The following UTRN variants were observed in gnomAD, a reference collection of about 807,000 sequenced individuals.
The protein encoded by UTRN is dystrophin-related protein 1.
UTRN carries 283 observed loss-of-function variants against 463.9 expected under a neutral mutation model. The observed-to-expected ratio is 0.61, with a 90% CI of 0.55 to 0.67. The LOEUF (loss-of-function observed/expected upper bound fraction) is 0.67. UTRN is among the 30% of genes least tolerant of loss of function. The probability of loss-of-function intolerance (pLI) is 0.00; values close to 1 mark genes in which losing one functional copy is unlikely to be tolerated. For synonymous variants in UTRN, 1,442 were observed against 1,431.5 expected (o/e 1.01, Z -0.17); for missense variants, 3,922 against 4,084.3 (o/e 0.96, Z 1.08).
intron 65 of UTRN, among the ~76,000 whole-genome samples, chr6:144,812,793 G>C (rs1038760768): frequency 1.3e-5 from 2 of 151,936 alleles, no homozygotes; most frequent in Admixed American, 1.3e-4. Context: ...TGTATCACAG[G>C]GTACATTTTA....
rs114432980 is a variant in UTRN, at chr6:144,286,079, G to A, written c.-93+258G>A. 6.2e-3 allele frequency among the ~76,000 whole-genome samples: 933 copies of A among 150,836 alleles called. 10 individuals carry two copies. The highest frequency in any genetic ancestry group is 0.021 in the African/African-American group (856 of 41,040). On this transcript the variant is annotated intron_variant, in intron 1 of 74. Transcript: ENST00000367545. The surrounding 1 kb of genome is among the most constrained non-coding windows in gnomAD (Gnocchi z 4.4). The stretch of plus-strand genomic sequence containing the variant: ...AGAGCTCGGGCGTGGAGGTCCTTGG[G>A]ATCCGTACTAGTTGTGAACGATCCA...
chr6:144,609,456 C>T (rs962845007), intron 51 of UTRN, among the ~76,000 whole-genome samples: 2 of 152,118 alleles, frequency 1.3e-5, no homozygotes, highest in Non-Finnish European at 2.9e-5. Flanking sequence ...ATAAAATGAC[C>T]TGAAGGGATA....
intron 73 of UTRN, among the ~76,000 whole-genome samples, chr6:144,845,247 T>TAAA (rs1177446409): frequency 6.6e-6 from 1 of 152,254 alleles, no homozygotes; most frequent in African/African-American, 2.4e-5. Context: ...GTGTACTTAC[T>TAAA]AAAATTCCCA....
intron 14 of UTRN, 79 bp downstream of exon 14, chr6:144,444,461 T>C: frequency 2.8e-6 from 3 of 1,072,404 alleles, no homozygotes; most frequent in Non-Finnish European, 3.9e-6. Flanking sequence ...AGAATAAAGT[T>C]GCCTTGTTTA....
chr6:144,454,779 G>T (rs1584855802), intron 19 of UTRN, among the ~76,000 whole-genome samples: 1 of 152,114 alleles, frequency 6.6e-6, no homozygotes, highest in East Asian at 1.9e-4. Context: ...TCGTTCCTCA[G>T]CCTCTCAATT....
At chr6:144,432,248 G>T (rs528173295) in intron 9 of UTRN, among the ~76,000 whole-genome samples, 1 of 152,218 alleles carries the variant, frequency 6.6e-6, no homozygotes, top group African/African-American at 2.4e-5. Flanking sequence ...TCTGTTAAAT[G>T]CTTCTGCACC....
chr6:144,496,994 A>C (rs1793710464), intron 33 of UTRN, among the ~76,000 whole-genome samples: 1 of 152,214 alleles, frequency 6.6e-6, no homozygotes, highest in Non-Finnish European at 1.5e-5. Flanking sequence ...TGCTAGGGAG[A>C]TAGGATTAGA....
At chr6:144,521,953 ATATT>A in intron 39 of UTRN, 23 bp from the exon 40 acceptor site, 11 of 1,035,860 alleles carry the variant, frequency 1.1e-5, no homozygotes, top group African/African-American at 3.8e-5. Flanking sequence ...ATATATATAT[ATATT>A]TTTTTTTTTG....
intron 55 of UTRN, 37 bp from the exon 56 acceptor site, chr6:144,751,769 C>T (rs750752164): frequency 4.5e-6 from 7 of 1,552,658 alleles, no homozygotes; most frequent in Non-Finnish European, 5.2e-6. Context: ...TTGTTATATT[C>T]GTTTCCAATA....
At chr6:144,315,900 T>C (rs1027810930) in intron 2 of UTRN, among the ~76,000 whole-genome samples, 2 of 152,232 alleles carry the variant, frequency 1.3e-5, no homozygotes, top group African/African-American at 4.8e-5. Context: ...GTCATGGCGC[T>C]GTGAACTGCT....
At chr6:144,570,793 A>G (rs1179525737) in intron 50 of UTRN, among the ~76,000 whole-genome samples, 1 of 152,162 alleles carries the variant, frequency 6.6e-6, no homozygotes, top group African/African-American at 2.4e-5. Flanking sequence ...CCTTTGAAGT[A>G]TGACCGTAGG....
chr6:144,578,152 A>C (rs1373698467), intron 51 of UTRN, among the ~76,000 whole-genome samples: 1 of 152,102 alleles, frequency 6.6e-6, no homozygotes, highest in Non-Finnish European at 1.5e-5. Context: ...GCAGTCAGCC[A>C]AGATCGCACT....
At chr6:144,692,210 A>G (rs200802700) in intron 52 of UTRN, among the ~76,000 whole-genome samples, 53 of 152,314 alleles carry the variant, frequency 3.5e-4, no homozygotes, top group East Asian at 2.7e-3. Flanking sequence ...TGTTCCTGCA[A>G]AGAACATGGT....
At chr6:144,531,313 A>T (rs1010811068) in intron 42 of UTRN, 111 bp downstream of exon 42, 51 of 1,128,526 alleles carry the variant, frequency 4.5e-5, no homozygotes, top group Non-Finnish European at 5.6e-5. Context: ...AAGTCAATGG[A>T]CAATTTGTAA....
chr6:144,643,859 A>C (rs1276856404), intron 51 of UTRN, among the ~76,000 whole-genome samples: 23 of 152,066 alleles, frequency 1.5e-4, no homozygotes, highest in Non-Finnish European at 1.5e-5. Flanking sequence ...AAATTGCAGC[A>C]CTATATTCTT....
chr6:144,531,319 T>C (rs1050307237), intron 42 of UTRN, 117 bp downstream of exon 42: 1 of 1,085,060 alleles, frequency 9.2e-7, no homozygotes, highest in African/African-American at 1.6e-5. Context: ...ATGGACAATT[T>C]GTAATTTTTG....
chr6:144,661,673 T>G (rs184619999), intron 51 of UTRN, among the ~76,000 whole-genome samples: 6 of 152,260 alleles, frequency 3.9e-5, no homozygotes, highest in Admixed American at 3.9e-4. Flanking sequence ...GTTTCTTCCT[T>G]TAAAGGTATA....
chr6:144,468,072 G>A (rs1040153723), intron 23 of UTRN, among the ~76,000 whole-genome samples: 1 of 151,066 alleles, frequency 6.6e-6, no homozygotes, highest in East Asian at 1.9e-4. Flanking sequence ...TGGACATTCC[G>A]ACAGATGGGG....
At chr6:144,598,245 G>T (rs6908795) in intron 51 of UTRN, among the ~76,000 whole-genome samples, 1 of 152,074 alleles carries the variant, frequency 6.6e-6, no homozygotes, top group Admixed American at 6.6e-5. Context: ...CCATCAATAC[G>T]TGTAAGATGT....
Sources: gnomAD v4.1 joint callset for allele counts (sites outside exome capture counted in the v4.1 genomes callset) on GRCh38, gnomAD v4.1.1 for gene constraint, Gnocchi (gnomAD v3.1) non-coding constraint, MANE v1.5 for transcripts, NCBI Gene and HGNC (gene_info 2026-07-23, HGNC 2026-07-21) for gene names.